RABL3: variants seen among roughly 807,000 people sequenced by gnomAD.
RABL3 encodes rab-like protein 3.
Under a neutral mutation model 31.8 loss-of-function variants are expected in RABL3, and 31 were observed. That is an observed-to-expected ratio of 0.97 (90% CI 0.73 to 1.31). RABL3 has a LOEUF of 1.31. Among genes scored for constraint, RABL3 ranks in the 40% most tolerant of loss-of-function variants. The pLI, the probability that RABL3 is intolerant of heterozygous loss-of-function variation, is 0.00. For synonymous variants in RABL3, 97 were observed against 99.9 expected, an observed-to-expected ratio of 0.97 and a Z score of 0.18; for missense variants, 263 against 279.6, an observed-to-expected ratio of 0.94 and a Z score of 0.42.
chr3:120,700,968 A>G (rs1332981748), intron 4 of RABL3, among the ~76,000 whole-genome samples: 1 of 152,090 alleles, frequency 6.6e-6, no homozygotes, highest in Non-Finnish European at 1.5e-5. Context: ...TAAAAACTCA[A>G]ACTGATATAA....
At chr3:120,725,512 G>C (rs1455206050) in intron 2 of RABL3, among the ~76,000 whole-genome samples, 1 of 152,172 alleles carries the variant, frequency 6.6e-6, no homozygotes, top group African/African-American at 2.4e-5. Context: ...GTTTACTGCA[G>C]CACTATTCAC....
intron 4 of RABL3, among the ~76,000 whole-genome samples, chr3:120,699,746 G>A (rs1394467078): frequency 6.6e-6 from 1 of 152,046 alleles, no homozygotes; most frequent in East Asian, 1.9e-4. Flanking sequence ...TTCAGCCTCG[G>A]AACACAAGTG....
intron 1 of RABL3, among the ~76,000 whole-genome samples, chr3:120,740,625 A>G (rs949816730): frequency 6.6e-6 from 1 of 152,224 alleles, no homozygotes; most frequent in Non-Finnish European, 1.5e-5. Flanking sequence ...CCTTTATTTA[A>G]AAATAAACTT....
intron 5 of RABL3, among the ~76,000 whole-genome samples, chr3:120,697,904 G>A (rs1321352393): frequency 2.0e-5 from 3 of 152,114 alleles, no homozygotes; most frequent in Non-Finnish European, 4.4e-5. Context: ...AGTGGCTCGC[G>A]CCTGTAATCC....
chr3:120,730,622 G>A (rs1708870924), intron 2 of RABL3, 74 bp downstream of exon 2: 2 of 1,009,456 alleles, frequency 2.0e-6, no homozygotes, highest in Admixed American at 3.8e-5. Context: ...CCATAGTACT[G>A]TAATTTGATC....
intron 1 of RABL3, among the ~76,000 whole-genome samples, chr3:120,731,540 T>C (rs910048503): frequency 6.6e-6 from 1 of 152,088 alleles, no homozygotes; most frequent in Non-Finnish European, 1.5e-5. Context: ...GAGAGATTTG[T>C]ATGAAGAGGA....
At chr3:120,702,935 C>T (rs1708510657) in intron 4 of RABL3, among the ~76,000 whole-genome samples, 1 of 152,156 alleles carries the variant, frequency 6.6e-6, no homozygotes, top group African/African-American at 2.4e-5. Flanking sequence ...ATTCTTTGTC[C>T]TTCTACCACT....
chr3:120,721,340 A>G (rs1428418131), intron 2 of RABL3, among the ~76,000 whole-genome samples: 1 of 152,244 alleles, frequency 6.6e-6, no homozygotes, highest in Non-Finnish European at 1.5e-5. Flanking sequence ...TAACAATATT[A>G]ACCTTAAATT....
intron 1 of RABL3, among the ~76,000 whole-genome samples, chr3:120,737,644 C>G (rs867125434): frequency 2.6e-5 from 4 of 152,278 alleles, no homozygotes; most frequent in African/African-American, 9.6e-5. Flanking sequence ...TTTTCCCCAT[C>G]TTTGTGGTTT....
intron 2 of RABL3, among the ~76,000 whole-genome samples, chr3:120,724,396 T>C (rs1481985691): frequency 1.3e-5 from 2 of 152,186 alleles, no homozygotes; most frequent in African/African-American, 4.8e-5. Flanking sequence ...ATAGATTCAA[T>C]GCCATCCCCA....
In RABL3 at chr3:120,687,445, C is replaced by T. The variant is rs1454831399; in HGVS notation, c.*2378G>A. 6.6e-6 allele frequency: 1 copy of T among 152,094 alleles called. No individual in the cohort carries two copies. The highest frequency in any genetic ancestry group is 1.5e-5 in the Non-Finnish European group (1 of 68,016). 9.4% of individuals were successfully genotyped at this position (152,094 alleles called of 1,614,324 possible). A position where few individuals can be genotyped will look rare whatever the true frequency, so the allele number is the denominator to read the frequency against. On this transcript the variant is annotated 3_prime_UTR_variant, in exon 8 of 8. Coordinates refer to ENST00000273375, the MANE Select transcript of RABL3 (RefSeq NM_173825.5). Reference sequence around the variant, plus strand: ...TTATAGGCGTGAGCCAGCACCTGGCCAATTATACTTTTAAAAAAATATTTT... The same window carrying T: ...TTATAGGCGTGAGCCAGCACCTGGCTAATTATACTTTTAAAAAAATATTTT...
intron 2 of RABL3, among the ~76,000 whole-genome samples, chr3:120,721,205 C>T (rs141870515): frequency 0.011 from 1,614 of 152,296 alleles, 17 homozygotes; most frequent in Admixed American, 0.019. Context: ...TGGAAAGGAA[C>T]AACCGGTACC....
chr3:120,725,016 C>T (rs1473105653), intron 2 of RABL3, among the ~76,000 whole-genome samples: 2 of 151,928 alleles, frequency 1.3e-5, no homozygotes, highest in Non-Finnish European at 2.9e-5. Context: ...AACAGGCAAC[C>T]TACAGAATGG....
At chr3:120,718,847 G>T (rs937010467) in intron 2 of RABL3, among the ~76,000 whole-genome samples, 4 of 152,134 alleles carry the variant, frequency 2.6e-5, no homozygotes, top group African/African-American at 7.2e-5. Context: ...AGTCTTCGAG[G>T]TACAATGTAT....
At chr3:120,693,114 G>A (rs1708399419) in intron 6 of RABL3, among the ~76,000 whole-genome samples, 1 of 149,524 alleles carries the variant, frequency 6.7e-6, no homozygotes, top group Non-Finnish European at 1.5e-5. Context: ...CCCACCCTGA[G>A]GACCCTGGCT....
chr3:120,724,822 T>C (rs1402022661), intron 2 of RABL3, among the ~76,000 whole-genome samples: 1 of 151,910 alleles, frequency 6.6e-6, no homozygotes, highest in Non-Finnish European at 1.5e-5. Flanking sequence ...AAGACTTAAA[T>C]GTTAGACCTA....
intron 4 of RABL3, 71 bp downstream of exon 4, chr3:120,705,929 A>G (rs1361698892): frequency 8.9e-6 from 8 of 903,102 alleles, no homozygotes; most frequent in Admixed American, 1.8e-5. Flanking sequence ...AACATTTTAC[A>G]AAGTGTTATT....
chr3:120,707,064 C>T (rs989546126), intron 3 of RABL3, among the ~76,000 whole-genome samples: 7 of 152,100 alleles, frequency 4.6e-5, no homozygotes, highest in Non-Finnish European at 5.9e-5. Context: ...TCTATATTAC[C>T]CAGATTGTGA....
chr3:120,727,352 AT>A (rs943554089), intron 2 of RABL3, among the ~76,000 whole-genome samples: 3 of 152,148 alleles, frequency 2.0e-5, no homozygotes, highest in Non-Finnish European at 2.9e-5. Flanking sequence ...GACGGAAAAA[AT>A]TTTTTTGTGT....
Sources: gnomAD v4.1 joint callset for allele counts (sites outside exome capture counted in the v4.1 genomes callset) on GRCh38, gnomAD v4.1.1 for gene constraint, MANE v1.5 for transcripts, NCBI Gene and HGNC (gene_info 2026-07-23, HGNC 2026-07-21) for gene names.